The following MGAT5 variants were observed in gnomAD, a reference collection of about 807,000 sequenced individuals.
The protein encoded by MGAT5 is alpha-1,6-mannosylglycoprotein 6-beta-N-acetylglucosaminyltransferase A.
Under a neutral mutation model 94.3 loss-of-function variants are expected in MGAT5, and 30 were observed. The observed-to-expected ratio is 0.32, with a 90% CI of 0.24 to 0.43. The LOEUF (loss-of-function observed/expected upper bound fraction) is 0.43, where lower values mean the gene tolerates loss of function less well. MGAT5 is among the 20% of genes least tolerant of loss of function. MGAT5 has a pLI of 1.00. For synonymous variants in MGAT5, 310 were observed against 322.9 expected, an observed-to-expected ratio of 0.96 and a Z score of 0.43; for missense variants, 691 against 905.5, an observed-to-expected ratio of 0.76 and a Z score of 3.04.
intron 2 of MGAT5, among the ~76,000 whole-genome samples, chr2:134,304,878 A>G (rs1686237157): frequency 6.6e-6 from 1 of 152,118 alleles, no homozygotes; most frequent in African/African-American, 2.4e-5. Context: ...ACCTGGCACA[A>G]TCTGGTTTTT....
rs139918050 is a variant in MGAT5, at chr2:134,432,991, T to C, written c.1869+4552T>C. 7.7e-3 allele frequency among the ~76,000 whole-genome samples: 1,166 copies of C among 152,298 alleles called. 15 individuals are homozygous for C. The highest frequency in any genetic ancestry group is 0.026 in the African/African-American group (1,084 of 41,556). On this transcript the variant is annotated intron_variant, in intron 14 of 15. Coordinates refer to ENST00000281923, the MANE Select transcript of MGAT5 (RefSeq NM_002410.5). ...ATAAGGACACAATTCAATTTTTTTT[T>C]TAGCAAATTGGTAGTGTTACACAAC...
chr2:134,377,883 C>A (rs111803822), intron 10 of MGAT5, among the ~76,000 whole-genome samples: 68 of 152,268 alleles, frequency 4.5e-4, no homozygotes, highest in African/African-American at 1.6e-3. Flanking sequence ...AGATACCAGA[C>A]GTGTCCAAGG....
intron 13 of MGAT5, among the ~76,000 whole-genome samples, chr2:134,425,677 C>T (rs1367982109): frequency 6.6e-6 from 1 of 152,092 alleles, no homozygotes; most frequent in Non-Finnish European, 1.5e-5. Flanking sequence ...TGGAGGGCTT[C>T]TCATGGAGGC....
At position 134,403,261 on chromosome 2, in the gene MGAT5, T is replaced by A. The variant is rs1683157809; in HGVS notation, c.1530+124T>A. The A allele has an allele frequency of 1.3e-5, 13 of 966,540 alleles. No homozygotes were observed. In the South Asian group the frequency reaches 2.2e-4, roughly 17 times the overall value. 59.9% of individuals were successfully genotyped at this position (966,540 alleles called of 1,614,324 possible). ...TCTTGTGGCTATTTTGGGGCAGCAG[T>A]TTGCTAGACCAATGGCAGCTGAAAA... On this transcript the variant is annotated intron_variant, in intron 11 of 15. Coordinates refer to ENST00000281923, the MANE Select transcript of MGAT5 (RefSeq NM_002410.5).
intron 1 of MGAT5, among the ~76,000 whole-genome samples, chr2:134,192,499 G>A (rs1238694419): frequency 6.6e-6 from 1 of 152,132 alleles, no homozygotes; most frequent in African/African-American, 2.4e-5. Context: ...TTTTGGGGAT[G>A]TAAATCAGTA....
chr2:134,405,604 A>G (rs946636844), intron 11 of MGAT5, among the ~76,000 whole-genome samples: 2 of 152,230 alleles, frequency 1.3e-5, no homozygotes, highest in African/African-American at 4.8e-5. Context: ...CCACATTGGA[A>G]ATGGGGAACT....
chr2:134,397,429 G>A (rs1221106812), intron 10 of MGAT5, among the ~76,000 whole-genome samples: 2 of 152,088 alleles, frequency 1.3e-5, no homozygotes, highest in African/African-American at 4.8e-5. Flanking sequence ...AGCACATTGG[G>A]CTGCCTGGAC....
At chr2:134,219,268 A>G (rs1680640037) in intron 1 of MGAT5, among the ~76,000 whole-genome samples, 1 of 152,156 alleles carries the variant, frequency 6.6e-6, no homozygotes, top group African/African-American at 2.4e-5. Flanking sequence ...CAAGGTGGGC[A>G]ACAAGGCTTG....
intron 6 of MGAT5, among the ~76,000 whole-genome samples, chr2:134,339,490 G>A (rs1329823051): frequency 6.6e-6 from 1 of 152,096 alleles, no homozygotes; most frequent in Non-Finnish European, 1.5e-5. Flanking sequence ...AAAAATAAAG[G>A]AGATGGTGAT....
chr2:134,280,123 C>T (rs907603994), intron 2 of MGAT5, among the ~76,000 whole-genome samples: 40 of 152,260 alleles, frequency 2.6e-4, no homozygotes, highest in African/African-American at 8.4e-4. Context: ...AAATAAAAAT[C>T]AGTTGCTAGT....
At chr2:134,205,010 G>A (rs897958764) in intron 1 of MGAT5, among the ~76,000 whole-genome samples, 1 of 152,234 alleles carries the variant, frequency 6.6e-6, no homozygotes, top group African/African-American at 2.4e-5. Flanking sequence ...TGCAGGAAGA[G>A]TGTTTACAGC....
At chr2:134,408,606 TAG>T (rs1271180210) in intron 11 of MGAT5, among the ~76,000 whole-genome samples, 1 of 152,128 alleles carries the variant, frequency 6.6e-6, no homozygotes, top group Non-Finnish European at 1.5e-5. Flanking sequence ...AGCTCTTCCC[TAG>T]AGAGTCTTCA....
At chr2:134,389,459 A>G (rs370068512) in intron 10 of MGAT5, among the ~76,000 whole-genome samples, 40 of 152,242 alleles carry the variant, frequency 2.6e-4, no homozygotes, top group African/African-American at 9.2e-4. Flanking sequence ...GCTGTTTCTC[A>G]CTTTAATTTT....
At chr2:134,185,723 C>G (rs977712626) in intron 1 of MGAT5, among the ~76,000 whole-genome samples, 1 of 152,170 alleles carries the variant, frequency 6.6e-6, no homozygotes, top group African/African-American at 2.4e-5. Context: ...TTTCCCTAAC[C>G]TGCTCAATTT....
At chr2:134,274,510 T>TA (rs1321915860) in intron 2 of MGAT5, among the ~76,000 whole-genome samples, 1 of 152,228 alleles carries the variant, frequency 6.6e-6, no homozygotes, top group Admixed American at 6.5e-5. Flanking sequence ...ATGTGATAGT[T>TA]ACAATCCTAG....
intron 1 of MGAT5, among the ~76,000 whole-genome samples, chr2:134,241,405 A>G (rs1182415910): frequency 6.6e-6 from 1 of 152,224 alleles, no homozygotes; most frequent in African/African-American, 2.4e-5. Flanking sequence ...AAATGCAAAC[A>G]TGGGACATTT....
At chr2:134,387,717 T>A (rs890988455) in intron 10 of MGAT5, among the ~76,000 whole-genome samples, 5 of 152,104 alleles carry the variant, frequency 3.3e-5, no homozygotes, top group Non-Finnish European at 5.9e-5. Context: ...TTCTAATGAC[T>A]TGGTTCTGAA....
At chr2:134,421,237 A>G (rs894993988) in intron 12 of MGAT5, among the ~76,000 whole-genome samples, 1 of 152,222 alleles carries the variant, frequency 6.6e-6, no homozygotes, top group East Asian at 1.9e-4. Flanking sequence ...ACATTGCTTC[A>G]TTTACATGGT....
intron 1 of MGAT5, among the ~76,000 whole-genome samples, chr2:134,249,014 A>G (rs1266872729): frequency 6.6e-6 from 1 of 151,846 alleles, no homozygotes; most frequent in Non-Finnish European, 1.5e-5. Flanking sequence ...AGGAGCCTGT[A>G]AGGTTGATCC....
Sources: gnomAD v4.1 joint callset for allele counts (sites outside exome capture counted in the v4.1 genomes callset) on GRCh38, gnomAD v4.1.1 for gene constraint, MANE v1.5 for transcripts, NCBI Gene and HGNC (gene_info 2026-07-23, HGNC 2026-07-21) for gene names.